OTUD7B: variants seen among roughly 807,000 people sequenced by gnomAD.
OTUD7B encodes the protein OTU domain-containing protein 7B.
In OTUD7B, 34 loss-of-function variants were observed where a neutral mutation model predicts 82.2. The ratio of observed to expected loss-of-function variants is 0.41; its 90% CI spans 0.31 to 0.55. The LOEUF is 0.55. OTUD7B is among the 20% of genes least tolerant of loss of function. The pLI is 0.20. For missense variants in OTUD7B, 944 were observed against 1,062.1 expected, an observed-to-expected ratio of 0.89 and a Z score of 1.55; for synonymous variants, 398 against 402.7, an observed-to-expected ratio of 0.99 and a Z score of 0.14.
At chr1:149,959,179 C>T (rs1365870769) in intron 7 of OTUD7B, among the ~76,000 whole-genome samples, 1 of 151,604 alleles carries the variant, frequency 6.6e-6, no homozygotes, top group Non-Finnish European at 1.5e-5. Flanking sequence ...AGAGATCACA[C>T]CACTGCACTC....
In OTUD7B at chr1:149,944,007, G is replaced by A. The variant is rs902208440; in HGVS notation, c.2382C>T (p.Gly794=). 4 of 1,614,202 alleles carry A rather than the reference G, an allele frequency of 2.5e-6. No individual in the cohort carries two copies. In the South Asian group the frequency reaches 3.3e-5, roughly 13 times the overall value. The change falls in exon 12 of 12, where the codon GGC becomes GGT. Residue 794 remains glycine, a synonymous_variant. Coordinates refer to ENST00000581312, the MANE Select transcript of OTUD7B (RefSeq NM_020205.4). ...EPDGWAGGLR[G]LPPTQTKCKQ... ...TGCATTTGGTCTGAGTTGGGGGAAG[G>A]CCCCGGAGACCTCCAGCCCATCCAT...
the OTUD7B span, among the ~76,000 whole-genome samples, chr1:150,036,262 CT>C: frequency 3.7e-5 from 5 of 136,680 alleles, no homozygotes; most frequent in Non-Finnish European, 6.2e-5. Context: ...TTCATTGTAA[CT>C]TTTTTTTTTT....
chr1:149,971,015 C>T (rs782513672), intron 3 of OTUD7B, 48 bp downstream of exon 3: 40 of 1,417,272 alleles, frequency 2.8e-5, no homozygotes, highest in Non-Finnish European at 3.8e-5. Context: ...TTTAACAATC[C>T]CCTCCCTTCC....
the OTUD7B span, among the ~76,000 whole-genome samples, chr1:150,047,302 T>C: frequency 6.6e-6 from 1 of 152,180 alleles, no homozygotes; most frequent in East Asian, 1.9e-4. Context: ...TCAATGTTCA[T>C]TTTTCAGCAA....
At chr1:149,987,335 T>G (rs1553781081) in intron 1 of OTUD7B, among the ~76,000 whole-genome samples, 1 of 152,162 alleles carries the variant, frequency 6.6e-6, no homozygotes, top group African/African-American at 2.4e-5. Context: ...CTTCAACTCC[T>G]CTCAACTCCA....
the OTUD7B span, among the ~76,000 whole-genome samples, chr1:150,033,735 T>C: frequency 6.6e-6 from 1 of 151,916 alleles, no homozygotes; most frequent in Non-Finnish European, 1.5e-5. Context: ...ATATTAATAA[T>C]TTTTTTTGAG....
chr1:149,988,735 C>T (rs1651363190), intron 1 of OTUD7B, among the ~76,000 whole-genome samples: 2 of 152,140 alleles, frequency 1.3e-5, no homozygotes, highest in South Asian at 2.1e-4. Context: ...ATTTGCAACA[C>T]ACAATGAACT....
intron 6 of OTUD7B, chr1:149,961,139 TG>T (rs1462807442): frequency 6.6e-6 from 1 of 152,058 alleles, no homozygotes; most frequent in African/African-American, 2.4e-5. Context: ...CTGTAGTTCC[TG>T]AAATATACCA....
chr1:149,995,149 T>C (rs1190444699), intron 1 of OTUD7B, among the ~76,000 whole-genome samples: 1 of 152,230 alleles, frequency 6.6e-6, no homozygotes, highest in Non-Finnish European at 1.5e-5. Flanking sequence ...ATTGTGCACC[T>C]AATCCAAGTA....
rs1419436270 is a variant in OTUD7B at position 149,971,231 on chromosome 1, C to T, written c.106G>A (p.Ala36Thr). ...LLEGKNWDVN[A>T]ALSDFEQLRQ... ...AGCTGTTCAAAATCACTGAGGGCGG[C>T]ATTCACATCCCAATTCTTTCCTGTC... Residue 36 changes from alanine (A) to threonine (T), a missense_variant, in exon 3 of 12, where the codon GCC becomes ACC. By Grantham distance (58) the Ala-to-Thr change is moderately conservative. Around this residue, in one of 3 missense-constraint regions of OTUD7B, gnomAD observed 530 missense variants for 625.6 expected, o/e 0.85. Transcript: ENST00000581312. 2 of 1,610,778 alleles carry T rather than the reference C, an allele frequency of 1.2e-6. No homozygotes were observed. The highest frequency in any genetic ancestry group is 1.1e-5 in the South Asian group (1 of 90,864).
chr1:150,014,048 GTGTATATATA>G (rs1351538623), upstream of OTUD7B, among the ~76,000 whole-genome samples: 3 of 106,178 alleles, frequency 2.8e-5, no homozygotes, highest in Admixed American at 1.9e-4. Flanking sequence ...ATATATGTGT[GTGTATATATA>G]TGTGTGTGTG....
intron 1 of OTUD7B, among the ~76,000 whole-genome samples, chr1:150,008,264 A>AT (rs1273788614): frequency 2.0e-5 from 3 of 152,208 alleles, no homozygotes; most frequent in African/African-American, 7.2e-5. Flanking sequence ...ATTTACCCAG[A>AT]TATCATCACT....
At chr1:149,984,898 C>T (rs1651027638) in intron 1 of OTUD7B, among the ~76,000 whole-genome samples, 1 of 152,144 alleles carries the variant, frequency 6.6e-6, no homozygotes, top group Admixed American at 6.5e-5. Flanking sequence ...CCTGCAAAAC[C>T]TTCCACAGGC....
intron 9 of OTUD7B, 64 bp downstream of exon 9, chr1:149,949,565 A>G (rs1486915853): frequency 1.9e-6 from 3 of 1,539,602 alleles, no homozygotes; most frequent in Admixed American, 1.7e-5. Context: ...TTCCTCCTAC[A>G]TTAGATCTCA....
At chr1:149,991,994 C>T (rs1651597067) in intron 1 of OTUD7B, among the ~76,000 whole-genome samples, 1 of 152,108 alleles carries the variant, frequency 6.6e-6, no homozygotes. Context: ...CTTTGGGAGG[C>T]CAAGGCAGGC....
At chr1:150,024,720 G>A in the OTUD7B span, among the ~76,000 whole-genome samples, 1 of 152,154 alleles carries the variant, frequency 6.6e-6, no homozygotes, top group Admixed American at 6.5e-5. Flanking sequence ...TCTCAACAAC[G>A]CTTTCTTTAA....
rs1647482661 is a variant in OTUD7B, at chr1:149,944,113, A to C, written c.2276T>G (p.Leu759Arg). Residue 759 changes from leucine (L) to arginine (R), a missense_variant, in exon 12 of 12, where the codon CTT becomes CGT. By Grantham distance (102) the Leu-to-Arg change is moderately radical. Coordinates refer to ENST00000581312, the MANE Select transcript of OTUD7B (RefSeq NM_020205.4). Reference sequence around the variant, plus strand: ...GGGTGGTAACAAGGCACCCCTGTGAAGTCCATCCTTAGAGTGGCTGCCTGG... The same window carrying C: ...GGGTGGTAACAAGGCACCCCTGTGACGTCCATCCTTAGAGTGGCTGCCTGG... ...LEPGSHSKDGLHRGALLPPPY... is the reference protein window; with the variant it reads ...LEPGSHSKDGRHRGALLPPPY... 1 of 1,614,088 alleles carries C rather than the reference A, an allele frequency of 6.2e-7. No homozygotes were observed. The highest frequency in any genetic ancestry group is 2.2e-5 in the East Asian group (1 of 44,874).
rs1328112206 is a variant in OTUD7B, at chr1:149,943,016, T to TA, written c.*840dup. The TA allele has an allele frequency of 1.3e-5, 2 of 152,554 alleles. No individual in the cohort carries two copies. The highest frequency in any genetic ancestry group is 2.9e-5 in the Non-Finnish European group (2 of 68,020). The allele number at this position is 152,554 out of a possible 1,614,324, so 9.5% of individuals were successfully genotyped here. On this transcript the variant is annotated 3_prime_UTR_variant, in exon 12 of 12. Coordinates refer to ENST00000581312, the MANE Select transcript of OTUD7B (RefSeq NM_020205.4). ...CCCAACGTATGGTTATTGCTGTGGTTAAAAAATAGATCAGCTCTGCCCCAA... is the reference window on the plus strand; with the variant it reads ...CCCAACGTATGGTTATTGCTGTGGTTAAAAAAATAGATCAGCTCTGCCCCAA...
chr1:149,995,849 CAAGCTA>C (rs1651890316), intron 1 of OTUD7B, among the ~76,000 whole-genome samples: 1 of 152,154 alleles, frequency 6.6e-6, no homozygotes, highest in Admixed American at 6.5e-5. Context: ...TTAGATAGCA[CAAGCTA>C]AAGAATAAAC....
Sources: gnomAD v4.1 joint callset for allele counts (sites outside exome capture counted in the v4.1 genomes callset) on GRCh38, gnomAD v4.1.1 for gene constraint, gnomAD v4.1.1 regional missense constraint, MANE v1.5 for transcripts, NCBI Gene and HGNC (gene_info 2026-07-23, HGNC 2026-07-21) for gene names.